FER: variants seen among roughly 807,000 people sequenced by gnomAD.
FER encodes the protein FER tyrosine kinase, also known as tyrosine-protein kinase Fer.
FER carries 63 observed loss-of-function variants against 111.0 expected under a neutral mutation model. The observed-to-expected ratio is 0.57, with a 90% CI of 0.46 to 0.70. FER has a LOEUF of 0.70. Ranked by LOEUF, FER falls within the 30% of genes least tolerant of loss-of-function variation. The probability of loss-of-function intolerance (pLI) is 0.00; values close to 1 mark genes in which losing one functional copy is unlikely to be tolerated. For missense variants in FER, 914 were observed against 954.0 expected (o/e 0.96, Z 0.55); for synonymous variants, 327 against 313.9 (o/e 1.04, Z -0.44).
intron 2 of FER, among the ~76,000 whole-genome samples, chr5:108,786,423 C>CA (rs753439730): frequency 1.8e-4 from 28 of 152,180 alleles, no homozygotes; most frequent in Non-Finnish European, 3.5e-4. Flanking sequence ...GTATTGGACT[C>CA]ACTGAAACCA....
At chr5:108,984,188 C>T (rs1201891445) in intron 13 of FER, among the ~76,000 whole-genome samples, 1 of 151,948 alleles carries the variant, frequency 6.6e-6, no homozygotes, top group Non-Finnish European at 1.5e-5. Context: ...AAAAGTTTTC[C>T]CAGAATCCTG....
intron 2 of FER, among the ~76,000 whole-genome samples, chr5:108,792,603 C>T (rs1035185538): frequency 6.6e-6 from 1 of 152,048 alleles, no homozygotes; most frequent in Non-Finnish European, 1.5e-5. Flanking sequence ...TCCCAAAGTG[C>T]TGGGATTACA....
At chr5:109,147,800 T>TAG (rs750473377) in intron 17 of FER, among the ~76,000 whole-genome samples, 5,066 of 118,440 alleles carry the variant, frequency 0.043, 104 homozygotes, top group East Asian at 0.061. Flanking sequence ...TATATATATA[T>TAG]AGAGAGAGAG....
intron 17 of FER, among the ~76,000 whole-genome samples, chr5:109,139,660 A>G (rs1753311216): frequency 6.6e-6 from 1 of 152,068 alleles, no homozygotes; most frequent in Non-Finnish European, 1.5e-5. Context: ...AATTGTAGTT[A>G]CTATATCCCC....
At chr5:108,772,872 T>G (rs1029380028) in intron 2 of FER, among the ~76,000 whole-genome samples, 2 of 152,214 alleles carry the variant, frequency 1.3e-5, no homozygotes, top group African/African-American at 4.8e-5. Context: ...TATAAAGCAG[T>G]AGCAGTCTAG....
In FER at chr5:109,154,994, G is replaced by A. The variant is rs145195325; in HGVS notation, c.2049-25753G>A. On this transcript the variant is annotated intron_variant, in intron 17 of 19. Coordinates refer to ENST00000281092, the MANE Select transcript of FER (RefSeq NM_005246.4). ...GCAGGAACTCTGAGAAACCAGTGTG[G>A]GTTAATCTTATAACTCTATCATCTC... is the stretch of plus-strand genomic sequence containing the variant. 4.0e-5 allele frequency among the ~76,000 whole-genome samples: 6 copies of A among 151,864 alleles called. No individual in the cohort carries two copies. The South Asian group carries it at 1.0e-3, about 26-fold the overall frequency.
At chr5:108,883,825 A>G (rs1053329851) in intron 9 of FER, among the ~76,000 whole-genome samples, 28 of 151,982 alleles carry the variant, frequency 1.8e-4, no homozygotes, top group Admixed American at 5.3e-4. Flanking sequence ...TTACTTTCCT[A>G]CATCCATTTT....
At chr5:109,036,055 A>G (rs981601931) in intron 13 of FER, among the ~76,000 whole-genome samples, 1 of 152,178 alleles carries the variant, frequency 6.6e-6, no homozygotes, top group Non-Finnish European at 1.5e-5. Flanking sequence ...CAAATGCTTT[A>G]TCAGATAGAA....
At chr5:108,993,590 G>GGAGAGA (rs1763570892) in intron 13 of FER, among the ~76,000 whole-genome samples, 1 of 147,778 alleles carries the variant, frequency 6.8e-6, no homozygotes, top group African/African-American at 2.5e-5. Context: ...AGAGGGAGAG[G>GGAGAGA]GAGAGGGCGA....
At chr5:109,068,464 G>A (rs752406649) in intron 16 of FER, among the ~76,000 whole-genome samples, 1 of 152,150 alleles carries the variant, frequency 6.6e-6, no homozygotes, top group Non-Finnish European at 1.5e-5. Flanking sequence ...TTACAAGTGT[G>A]AGCCACCGTG....
At chr5:109,157,657 T>G (rs1755547155) in intron 17 of FER, among the ~76,000 whole-genome samples, 1 of 152,174 alleles carries the variant, frequency 6.6e-6, no homozygotes, top group Non-Finnish European at 1.5e-5. Context: ...TTAGTGACTT[T>G]CCATTTTTAT....
chr5:109,095,971 T>G (rs539639791), intron 16 of FER, among the ~76,000 whole-genome samples: 108 of 152,234 alleles, frequency 7.1e-4, no homozygotes, highest in Non-Finnish European at 1.3e-3. Flanking sequence ...CTCTGAAGTT[T>G]GTTGAAGATA....
intron 5 of FER, among the ~76,000 whole-genome samples, chr5:108,860,026 C>T (rs1484066743): frequency 6.6e-6 from 1 of 151,612 alleles, no homozygotes; most frequent in East Asian, 1.9e-4. Context: ...ACTGCAACCT[C>T]CACCTCCCGG....
chr5:109,126,211 CT>C (rs1348998366), intron 17 of FER, among the ~76,000 whole-genome samples: 3 of 152,184 alleles, frequency 2.0e-5, no homozygotes, highest in African/African-American at 7.2e-5. Flanking sequence ...TAGGCACTTC[CT>C]TTCCCCCTTC....
intron 13 of FER, among the ~76,000 whole-genome samples, chr5:108,992,662 G>A (rs1276240127): frequency 3.4e-5 from 5 of 148,198 alleles, no homozygotes; most frequent in East Asian, 2.0e-4. Context: ...CGGACGGGGC[G>A]GCTGGCCTGG....
At chr5:108,776,611 T>G (rs1378777359) in intron 2 of FER, among the ~76,000 whole-genome samples, 1 of 152,234 alleles carries the variant, frequency 6.6e-6, no homozygotes, top group Non-Finnish European at 1.5e-5. Context: ...ACTAGTTATC[T>G]GTTTTACATT....
intron 10 of FER, among the ~76,000 whole-genome samples, chr5:108,912,106 A>G (rs1157114999): frequency 2.0e-5 from 3 of 151,994 alleles, no homozygotes; most frequent in Non-Finnish European, 2.9e-5. Flanking sequence ...TCTGCCTTCC[A>G]CCATAATTGT....
chr5:108,929,242 C>G (rs1357113637), intron 10 of FER, among the ~76,000 whole-genome samples: 1 of 152,066 alleles, frequency 6.6e-6, no homozygotes. Context: ...AAAGGGTTGG[C>G]TGCCTTAAAG....
At chr5:109,187,326 AACT>A in intron 19 of FER, 104 bp from the exon 20 acceptor site, 1 of 1,155,244 alleles carries the variant, frequency 8.7e-7, no homozygotes, top group Non-Finnish European at 1.2e-6. Flanking sequence ...GTTTCCATAT[AACT>A]ACAACATAAG....
Sources: gnomAD v4.1 joint callset for allele counts (sites outside exome capture counted in the v4.1 genomes callset) on GRCh38, gnomAD v4.1.1 for gene constraint, MANE v1.5 for transcripts, NCBI Gene and HGNC (gene_info 2026-07-23, HGNC 2026-07-21) for gene names.